Variants in NKD1 observed in about 807,000 individuals in gnomAD.
The protein encoded by NKD1 is protein naked cuticle homolog 1.
Under a neutral mutation model 56.0 loss-of-function variants are expected in NKD1, and 21 were observed. That is an observed-to-expected ratio of 0.38 (90% CI 0.27 to 0.54). The LOEUF is 0.54. NKD1 is among the 20% of genes least tolerant of loss of function. NKD1 has a pLI of 0.82. For missense variants in NKD1, 578 were observed against 642.7 expected (o/e 0.90, Z 1.09); for synonymous variants, 263 against 265.7 (o/e 0.99, Z 0.10).
At chr16:50,548,606 C>T (rs957072230) in intron 1 of NKD1, 28 bp downstream of exon 1, 7 of 1,449,358 alleles carry the variant, frequency 4.8e-6, no homozygotes, top group Non-Finnish European at 5.4e-6. Flanking sequence ...CGCGCTCGCC[C>T]CGGGCCCCGC....
chr16:50,601,891 C>T (rs947205838), intron 3 of NKD1, among the ~76,000 whole-genome samples: 6 of 152,138 alleles, frequency 3.9e-5, no homozygotes, highest in Non-Finnish European at 7.4e-5. Context: ...CAAGGAGGGG[C>T]GGGTCTGTTT....
intron 3 of NKD1, among the ~76,000 whole-genome samples, chr16:50,585,688 T>C (rs1961213836): frequency 6.6e-6 from 1 of 152,174 alleles, no homozygotes; most frequent in African/African-American, 2.4e-5. Flanking sequence ...ATTCCTCCTC[T>C]CTGTACCTCC....
chr16:50,647,330 T>C lies in NKD1; in HGVS notation c.*13549T>C, dbSNP rs529191223. 6.6e-6 allele frequency: 1 copy of C among 152,390 alleles called. No homozygotes were observed. Among genetic ancestry groups the C allele is most frequent in the Middle Eastern group, 3.4e-3 (1 of 294 alleles). 9.4% of individuals were successfully genotyped at this position (152,390 alleles called of 1,614,324 possible). Reference sequence around the variant, plus strand: ...GTAACATGTCATGGTAGTGGCCATCTTGCTACAGCCTGAGGACCACAGAGC... The same window carrying C: ...GTAACATGTCATGGTAGTGGCCATCCTGCTACAGCCTGAGGACCACAGAGC... On this transcript the variant is annotated 3_prime_UTR_variant, in exon 10 of 10. Coordinates refer to ENST00000268459, the MANE Select transcript of NKD1 (RefSeq NM_033119.5).
intron 6 of NKD1, among the ~76,000 whole-genome samples, chr16:50,629,111 G>A (rs1228650229): frequency 6.6e-6 from 1 of 152,072 alleles, no homozygotes. Context: ...GACTACAGGT[G>A]TGCACCACCA....
In NKD1 at chr16:50,644,497, G is replaced by C. The variant is rs1331208898; in HGVS notation, c.*10716G>C. 6.6e-6 allele frequency: 1 copy of C among 152,276 alleles called. No homozygotes were observed. Among genetic ancestry groups the C allele is most frequent in the Non-Finnish European group, 1.5e-5 (1 of 68,054 alleles). 9.4% of individuals were successfully genotyped at this position (152,276 alleles called of 1,614,324 possible). ...CCCTCTTGCGGGTTCCTGATGCTGA[G>C]AGTTGTTGGAATGTTGATGCTGCCC... On this transcript the variant is annotated 3_prime_UTR_variant, in exon 10 of 10. Transcript: ENST00000268459.
intron 4 of NKD1, 111 bp downstream of exon 4, chr16:50,608,471 A>C: frequency 1.8e-6 from 1 of 563,410 alleles, no homozygotes; most frequent in Non-Finnish European, 3.4e-6. Context: ...AGGGCACAAC[A>C]GGGACCTTGT....
intron 4 of NKD1, among the ~76,000 whole-genome samples, chr16:50,614,698 A>AGTC (rs577678520): frequency 2.6e-5 from 4 of 152,312 alleles, no homozygotes; most frequent in African/African-American, 9.6e-5. Flanking sequence ...TCACCAACTC[A>AGTC]GTCTCTCCTT....
chr16:50,590,908 C>A (rs1240293985), intron 3 of NKD1, among the ~76,000 whole-genome samples: 3 of 152,144 alleles, frequency 2.0e-5, no homozygotes, highest in Non-Finnish European at 4.4e-5. Flanking sequence ...ACCTCCACCT[C>A]CAAGGTTCAA....
At chr16:50,590,425 C>G (rs186742585) in intron 3 of NKD1, among the ~76,000 whole-genome samples, 1 of 152,220 alleles carries the variant, frequency 6.6e-6, no homozygotes, top group African/African-American at 2.4e-5. Flanking sequence ...AGTCATCCTT[C>G]TTTTTCTTGA....
intron 3 of NKD1, among the ~76,000 whole-genome samples, chr16:50,580,004 C>T (rs376680463): frequency 6.6e-6 from 1 of 152,162 alleles, no homozygotes; most frequent in African/African-American, 2.4e-5. Flanking sequence ...CTGCTACACA[C>T]ATGCACTCTC....
At chr16:50,570,611 G>C (rs953622188) in intron 3 of NKD1, among the ~76,000 whole-genome samples, 2 of 152,176 alleles carry the variant, frequency 1.3e-5, no homozygotes, top group Non-Finnish European at 2.9e-5. Flanking sequence ...TGCTTAGCTC[G>C]TGAAGCTGTC....
In NKD1 at chr16:50,575,449, T is replaced by C. The variant is rs1397895572; in HGVS notation, c.192+25894T>C. The C allele has an allele frequency of 6.1e-6, 4 of 652,996 alleles. No individual in the cohort carries two copies. In the East Asian group the frequency reaches 5.5e-4, roughly 89 times the overall value. 40.5% of individuals were successfully genotyped at this position (652,996 alleles called of 1,614,324 possible). The stretch of plus-strand genomic sequence containing the variant: ...GTCTGTGTTCCTGGGAGAAGGGATT[T>C]GAAGAGCCCCTTTGACAGGTGATCT... On this transcript the variant is annotated intron_variant, in intron 3 of 9. Coordinates refer to ENST00000268459, the MANE Select transcript of NKD1 (RefSeq NM_033119.5).
chr16:50,609,752 A>T (rs1332377674), intron 4 of NKD1, among the ~76,000 whole-genome samples: 2 of 152,162 alleles, frequency 1.3e-5, no homozygotes, highest in Non-Finnish European at 2.9e-5. Context: ...GTTGCCTAGA[A>T]GTTGGAGGCA....
At chr16:50,576,163 GCCCTTA>G (rs1960989975) in intron 3 of NKD1, among the ~76,000 whole-genome samples, 1 of 152,180 alleles carries the variant, frequency 6.6e-6, no homozygotes, top group Non-Finnish European at 1.5e-5. Context: ...ATGCTAGTTT[GCCCTTA>G]CTCTCCTGAG....
intron 3 of NKD1, among the ~76,000 whole-genome samples, chr16:50,579,189 C>A (rs1372546229): frequency 6.6e-6 from 1 of 151,254 alleles, no homozygotes; most frequent in African/African-American, 2.4e-5. Context: ...CTTACTCCTG[C>A]AGGCTACCCG....
At position 50,548,744 on chromosome 16, in the gene NKD1, CG is replaced by C; in HGVS notation, c.55del (p.Glu19LysfsTer7). The C allele has an allele frequency of 7.0e-7, 1 of 1,436,214 alleles. No individual in the cohort carries two copies. Among genetic ancestry groups the C allele is most frequent in the African/African-American group, 1.5e-5 (1 of 66,634 alleles). The allele number at this position is 1,436,214 out of a possible 1,614,324, so 89.0% of individuals were successfully genotyped here. A position where few individuals can be genotyped will look rare whatever the true frequency, so the allele number is the denominator to read the frequency against. On this transcript the variant is annotated frameshift_variant, in exon 2 of 10. Coordinates refer to ENST00000268459, the MANE Select transcript of NKD1 (RefSeq NM_033119.5). LOFTEE classifies it high-confidence loss of function. ...GCCGTGTGCAAGCGCAGGGAGAGCC[CG>C]GAAGGTAGGGGCGCGCGGGGCGCAG... ...PAAVCKRRES[P>X]EGDSFAVSAA... is the part of the protein sequence containing the mutation.
Position 50,635,262 on chromosome 16 carries a change from C to G in NKD1, c.*1481C>G, listed in dbSNP as rs1319920209. 6.6e-6 allele frequency: 1 copy of G among 152,228 alleles called. No individual in the cohort carries two copies. Among genetic ancestry groups the G allele is most frequent in the African/African-American group, 2.4e-5 (1 of 41,424 alleles). The allele number at this position is 152,228 out of a possible 1,614,324, so 9.4% of individuals were successfully genotyped here. ...AGCTGTGACCTTTGCTTAAAGGATG[C>G]AGCCAGTCATGGGGACCCTCCAGGG... On this transcript the variant is annotated 3_prime_UTR_variant, in exon 10 of 10. Transcript: ENST00000268459. This position sits in a 1 kb window ranked among gnomAD's most constrained non-coding sequence, Gnocchi z 4.1.
chr16:50,592,480 CCT>C (rs1355918113), intron 3 of NKD1, among the ~76,000 whole-genome samples: 4 of 152,202 alleles, frequency 2.6e-5, no homozygotes, highest in Admixed American at 2.0e-4. Flanking sequence ...TTAGCGGTGT[CCT>C]TTTTTGTCTG....
At chr16:50,570,924 A>C in intron 3 of NKD1, 1 of 985,426 alleles carries the variant, frequency 1.0e-6, no homozygotes, top group Non-Finnish European at 1.2e-6. Context: ...CAGCCATAGC[A>C]GCCCTGTGCC....
Sources: allele counts gnomAD v4.1 joint callset (sites outside exome capture counted in the v4.1 genomes callset), GRCh38; gene constraint gnomAD v4.1.1; non-coding constraint Gnocchi (gnomAD v3.1); transcripts MANE v1.5; gene names NCBI Gene and HGNC (gene_info 2026-07-23, HGNC 2026-07-21).